Variants in TRHDE observed in about 807,000 individuals in gnomAD.
TRHDE encodes the protein thyrotropin-releasing hormone-degrading ectoenzyme.
Under a neutral mutation model 125.7 loss-of-function variants are expected in TRHDE, and 72 were observed. The observed-to-expected ratio is 0.57, with a 90% CI of 0.47 to 0.70. The LOEUF is 0.70. Among genes scored for constraint, TRHDE ranks in the 30% least tolerant of loss-of-function variants. The probability of loss-of-function intolerance (pLI) is 0.00; values close to 1 mark genes in which losing one functional copy is unlikely to be tolerated. For synonymous variants in TRHDE, 509 were observed against 509.1 expected, an observed-to-expected ratio of 1.00 and a Z score of 0.00; for missense variants, 1,110 against 1,327.1, an observed-to-expected ratio of 0.84 and a Z score of 2.54.
At chr12:72,299,224 G>T (rs1168765377) in intron 2 of TRHDE, among the ~76,000 whole-genome samples, 1 of 152,108 alleles carries the variant, frequency 6.6e-6, no homozygotes, top group Non-Finnish European at 1.5e-5. Context: ...ATTATTCTTG[G>T]AAGGCCTTTG....
upstream of TRHDE, among the ~76,000 whole-genome samples, chr12:72,270,951 A>G (rs1879185620): frequency 6.6e-6 from 1 of 152,232 alleles, no homozygotes; most frequent in South Asian, 2.1e-4. Flanking sequence ...AAGTTAAAAC[A>G]ATGTTCATGG....
chr12:72,573,699 G>T (rs1176490461), intron 10 of TRHDE, among the ~76,000 whole-genome samples: 1 of 151,854 alleles, frequency 6.6e-6, no homozygotes, highest in Non-Finnish European at 1.5e-5. Flanking sequence ...TTTTTCCAGT[G>T]CCATTTTCTC....
At chr12:72,592,708 C>CTTTTT (rs35446767) in intron 12 of TRHDE, among the ~76,000 whole-genome samples, 2 of 144,576 alleles carry the variant, frequency 1.4e-5, no homozygotes, top group African/African-American at 2.5e-5. Context: ...TCTTTTCTTT[C>CTTTTT]TTTTTTTTTT....
chr12:72,373,527 G>A (rs1301807103), intron 2 of TRHDE, among the ~76,000 whole-genome samples: 2 of 152,040 alleles, frequency 1.3e-5, no homozygotes, highest in African/African-American at 2.4e-5. Context: ...CATGCAATGT[G>A]CATTCTGAAA....
At chr12:72,486,971 AAAC>A (rs1565761598) in intron 5 of TRHDE, among the ~76,000 whole-genome samples, 1 of 152,152 alleles carries the variant, frequency 6.6e-6, no homozygotes. Flanking sequence ...ATTTAAAAAG[AAAC>A]AAATCAAATT....
At chr12:72,298,545 A>T (rs948279728) in intron 2 of TRHDE, among the ~76,000 whole-genome samples, 1 of 152,154 alleles carries the variant, frequency 6.6e-6, no homozygotes, top group Non-Finnish European at 1.5e-5. Context: ...GTTTTTGGCC[A>T]AGCCTTTATA....
chr12:72,421,087 C>T (rs190981353), intron 3 of TRHDE, among the ~76,000 whole-genome samples: 197 of 152,024 alleles, frequency 1.3e-3, no homozygotes, highest in African/African-American at 4.4e-3. Flanking sequence ...CATTTCTATA[C>T]CAAATATGAA....
intron 2 of TRHDE, among the ~76,000 whole-genome samples, chr12:72,110,053 G>A (rs962531406): frequency 1.3e-5 from 2 of 151,994 alleles, no homozygotes; most frequent in South Asian, 2.1e-4. Context: ...ATCACATCAC[G>A]TTCCTAATGC....
intron 6 of TRHDE, among the ~76,000 whole-genome samples, chr12:72,538,702 G>A (rs1026775585): frequency 5.9e-5 from 9 of 151,874 alleles, no homozygotes; most frequent in African/African-American, 2.2e-4. Flanking sequence ...CACCTCACCA[G>A]CACTTTCTTC....
chr12:72,116,967 G>A (rs1421039411), intron 2 of TRHDE, among the ~76,000 whole-genome samples: 1 of 151,890 alleles, frequency 6.6e-6, no homozygotes, highest in African/African-American at 2.4e-5. Context: ...AGTTATTTGT[G>A]CTTTTTAAAA....
At chr12:72,569,104 A>G (rs1870598178) in intron 10 of TRHDE, among the ~76,000 whole-genome samples, 1 of 152,166 alleles carries the variant, frequency 6.6e-6, no homozygotes, top group Non-Finnish European at 1.5e-5. Context: ...TTACAGGGCC[A>G]GAAGGTGGGG....
chr12:72,270,880 A>G (rs1879182913), upstream of TRHDE, among the ~76,000 whole-genome samples: 1 of 152,258 alleles, frequency 6.6e-6, no homozygotes, highest in African/African-American at 2.4e-5. Flanking sequence ...CCAATGGGCT[A>G]TGAACCTATT....
At chr12:72,502,643 G>C (rs1878204319) in intron 6 of TRHDE, among the ~76,000 whole-genome samples, 1 of 152,210 alleles carries the variant, frequency 6.6e-6, no homozygotes, top group Middle Eastern at 3.4e-3. Context: ...GTTAGCTAGA[G>C]TGTTCTATAA....
chr12:72,652,353 T>C lies in TRHDE; in HGVS notation c.2707T>C (p.Cys903Arg), dbSNP rs769359041. The change falls in exon 16 of 19, where the codon TGT (cysteine) becomes CGT (arginine). Residue 903 changes from cysteine to arginine, a missense_variant. Around this residue, in one of 5 missense-constraint regions of TRHDE, gnomAD observed 527 missense variants for 651.8 expected, o/e 0.81. Coordinates refer to ENST00000261180, the MANE Select transcript of TRHDE (RefSeq NM_013381.3). The part of the protein sequence containing the change: ...IPLNVRDIVY[C>R]TGVSLLDEDV... ...ACTAAATGTTAGAGACATCGTATAC[T>C]GTACAGGAGTGTCACTACTGGATGA... 4.5e-6 allele frequency: 7 copies of C among 1,563,806 alleles called. No homozygotes were observed. The Admixed American group carries it at 5.5e-5, about 12-fold the overall frequency.
At chr12:72,270,268 C>T (rs1244530886), upstream of TRHDE, among the ~76,000 whole-genome samples, 1 of 151,412 alleles carries the variant, frequency 6.6e-6, no homozygotes, top group Admixed American at 6.6e-5. Context: ...CTGTTGCTAA[C>T]GGCCCACATA....
intron 2 of TRHDE, among the ~76,000 whole-genome samples, chr12:72,312,559 A>G (rs1450380737): frequency 6.6e-6 from 1 of 152,202 alleles, no homozygotes; most frequent in African/African-American, 2.4e-5. Context: ...TTATGTAACA[A>G]TGTGGTGGGT....
At chr12:72,290,982 A>G (rs1434518140) in intron 2 of TRHDE, among the ~76,000 whole-genome samples, 2 of 152,172 alleles carry the variant, frequency 1.3e-5, no homozygotes, top group African/African-American at 4.8e-5. Flanking sequence ...GAGGAGTGTA[A>G]AAGAATTTGT....
At chr12:72,286,995 A>G in intron 2 of TRHDE, 41 bp downstream of exon 2, 2 of 1,592,842 alleles carry the variant, frequency 1.3e-6, no homozygotes, top group Non-Finnish European at 1.7e-6. Flanking sequence ...GATAATGTAC[A>G]CTCTGTAAAG....
At position 72,324,658 on chromosome 12, in the gene TRHDE, T is replaced by C. The variant is rs538608464; in HGVS notation, c.1188+37704T>C. ...CATGGTGAAAGATGGGCTGGTTCTG[T>C]GGAGAAATTAGAGTCAGGAAATGGG... On this transcript the variant is annotated intron_variant, in intron 2 of 18. Coordinates refer to ENST00000261180, the MANE Select transcript of TRHDE (RefSeq NM_013381.3). Among the ~76,000 whole-genome samples the C allele has an allele frequency of 2.0e-4, 31 of 152,232 alleles. No individual in the cohort carries two copies. In the South Asian group the frequency reaches 6.2e-3, roughly 31 times the overall value.
Sources: allele counts gnomAD v4.1 joint callset (sites outside exome capture counted in the v4.1 genomes callset), GRCh38; gene constraint gnomAD v4.1.1; regional missense constraint gnomAD v4.1.1; transcripts MANE v1.5; gene names NCBI Gene and HGNC (gene_info 2026-07-23, HGNC 2026-07-21).